The following ANO3 variants were observed in gnomAD, a reference collection of about 807,000 sequenced individuals.
The protein encoded by ANO3 is anoctamin-3.
Under a neutral mutation model 144.8 loss-of-function variants are expected in ANO3, and 99 were observed. The ratio of observed to expected loss-of-function variants is 0.68; its 90% CI spans 0.58 to 0.81. ANO3 has a LOEUF of 0.81. ANO3 is among the 30% of genes least tolerant of loss of function. The probability of loss-of-function intolerance (pLI) is 0.00; values close to 1 mark genes in which losing one functional copy is unlikely to be tolerated. For synonymous variants in ANO3, 414 were observed against 392.6 expected (o/e 1.05, Z -0.64); for missense variants, 905 against 1,202.2 (o/e 0.75, Z 3.66).
intron 1 of ANO3, among the ~76,000 whole-genome samples, chr11:26,386,740 G>T (rs1856745148): frequency 6.6e-6 from 1 of 152,108 alleles, no homozygotes; most frequent in Non-Finnish European, 1.5e-5. Context: ...GACTTGAGAA[G>T]CATTCCATAT....
chr11:26,468,245 C>T (rs535434873), intron 4 of ANO3, among the ~76,000 whole-genome samples: 2 of 152,060 alleles, frequency 1.3e-5, no homozygotes, highest in South Asian at 2.1e-4. Context: ...GTAGCTCTTT[C>T]GGTCTCAGCT....
chr11:26,656,563 C>T, intron 26 of ANO3, 82 bp downstream of exon 26: 4 of 890,596 alleles, frequency 4.5e-6, no homozygotes, highest in Non-Finnish European at 7.3e-6. Context: ...GAAATCAGTT[C>T]CTCAGACTTC....
intron 26 of ANO3, 127 bp from the exon 27 acceptor site, chr11:26,660,135 C>A: frequency 1.3e-6 from 1 of 746,126 alleles, no homozygotes. Context: ...TATTAATATT[C>A]TAAATGGTAC....
chr11:26,608,005 A>G (rs1284764918), intron 17 of ANO3, among the ~76,000 whole-genome samples: 2 of 152,136 alleles, frequency 1.3e-5, no homozygotes, highest in Admixed American at 6.5e-5. Context: ...TTTGGAGGAG[A>G]AAAGGTATTC....
intron 8 of ANO3, among the ~76,000 whole-genome samples, chr11:26,534,130 A>G (rs995990885): frequency 4.6e-5 from 7 of 152,214 alleles, no homozygotes; most frequent in Non-Finnish European, 2.9e-5. Context: ...GGGGGATAAC[A>G]TGAATTTTTG....
chr11:26,450,241 G>A (rs1378486391), intron 3 of ANO3, among the ~76,000 whole-genome samples: 1 of 152,174 alleles, frequency 6.6e-6, no homozygotes. Flanking sequence ...GGGTGGATGG[G>A]TGAGGATTGG....
chr11:26,296,849 A>G (rs1206462827), intron 1 of ANO3, among the ~76,000 whole-genome samples: 1 of 152,116 alleles, frequency 6.6e-6, no homozygotes, highest in African/African-American at 2.4e-5. Flanking sequence ...AGCCACGTAA[A>G]TGTGACTTTG....
chr11:26,297,696 T>C (rs1854125327), intron 1 of ANO3, among the ~76,000 whole-genome samples: 1 of 152,186 alleles, frequency 6.6e-6, no homozygotes, highest in African/African-American at 2.4e-5. Context: ...TTCAGAGGGT[T>C]ACTACTACAA....
chr11:26,609,261 G>A (rs773950421), intron 17 of ANO3, among the ~76,000 whole-genome samples: 3 of 152,118 alleles, frequency 2.0e-5, no homozygotes, highest in Non-Finnish European at 2.9e-5. Context: ...CACACCAGCC[G>A]CCTAGTCAAG....
chr11:26,439,524 C>T (rs1056730168), intron 1 of ANO3, among the ~76,000 whole-genome samples: 5 of 152,130 alleles, frequency 3.3e-5, no homozygotes, highest in African/African-American at 7.2e-5. Context: ...ATAATAAAAG[C>T]GTTTTAAAGC....
At chr11:26,372,859 AT>A (rs1280528533) in intron 1 of ANO3, among the ~76,000 whole-genome samples, 2 of 152,212 alleles carry the variant, frequency 1.3e-5, no homozygotes, top group Non-Finnish European at 2.9e-5. Context: ...CACTTTGAAC[AT>A]TTATATTCAT....
At chr11:26,245,910 T>A (rs1407595672) in intron 1 of ANO3, among the ~76,000 whole-genome samples, 5 of 152,196 alleles carry the variant, frequency 3.3e-5, no homozygotes, top group African/African-American at 9.6e-5. Flanking sequence ...TGACAATATA[T>A]CTGTCCAGAT....
chr11:26,228,885 G>C (rs145803514), intron 1 of ANO3, among the ~76,000 whole-genome samples: 1 of 152,120 alleles, frequency 6.6e-6, no homozygotes, highest in African/African-American at 2.4e-5. Flanking sequence ...CAAAACAATA[G>C]ATAAATTGTC....
intron 1 of ANO3, among the ~76,000 whole-genome samples, chr11:26,312,644 T>C (rs906282724): frequency 6.6e-6 from 1 of 152,212 alleles, no homozygotes; most frequent in Non-Finnish European, 1.5e-5. Context: ...AAATGTCTTG[T>C]TTTGAGAAGT....
At chr11:26,274,733 T>C (rs1853520527) in intron 1 of ANO3, among the ~76,000 whole-genome samples, 1 of 152,126 alleles carries the variant, frequency 6.6e-6, no homozygotes, top group Non-Finnish European at 1.5e-5. Context: ...AGGACATCCT[T>C]TTGCACTTTG....
At chr11:26,459,458 A>G (rs907223520) in intron 3 of ANO3, among the ~76,000 whole-genome samples, 1 of 152,056 alleles carries the variant, frequency 6.6e-6, no homozygotes, top group Non-Finnish European at 1.5e-5. Flanking sequence ...AAGACAGTTT[A>G]GACAGGATTT....
chr11:26,234,123 C>G (rs1311207566), intron 1 of ANO3, among the ~76,000 whole-genome samples: 1 of 152,114 alleles, frequency 6.6e-6, no homozygotes, highest in African/African-American at 2.4e-5. Flanking sequence ...CAAAACAAAA[C>G]AGTATAACGT....
At chr11:26,412,657 C>T (rs1857462770) in intron 1 of ANO3, among the ~76,000 whole-genome samples, 1 of 151,894 alleles carries the variant, frequency 6.6e-6, no homozygotes, top group Admixed American at 6.6e-5. Flanking sequence ...TTCTTGACCT[C>T]AAGAGGCGGA....
intron 1 of ANO3, among the ~76,000 whole-genome samples, chr11:26,246,622 T>C: frequency 6.7e-6 from 1 of 149,880 alleles, no homozygotes; most frequent in South Asian, 2.1e-4. Context: ...TATATGTTGT[T>C]ACTATATTAT....
Sources: allele counts gnomAD v4.1 joint callset (sites outside exome capture counted in the v4.1 genomes callset), GRCh38; gene constraint gnomAD v4.1.1; transcripts MANE v1.5; gene names NCBI Gene and HGNC (gene_info 2026-07-23, HGNC 2026-07-21).